STK11: variants seen among roughly 807,000 people sequenced by gnomAD.
STK11 encodes serine/threonine kinase 11.
A neutral mutation model predicts 47.3 loss-of-function variants in STK11; 8 were observed. That is an observed-to-expected ratio of 0.17 (90% CI 0.10 to 0.31). The LOEUF is 0.31. STK11 is among the 10% of genes least tolerant of loss of function. The probability of loss-of-function intolerance (pLI) is 1.00; values close to 1 mark genes in which losing one functional copy is unlikely to be tolerated. For missense variants in STK11, 475 were observed against 605.0 expected (o/e 0.79, Z 2.25); for synonymous variants, 330 against 255.8 (o/e 1.29, Z -2.77).
In STK11 at chr19:1,208,974, G is replaced by A. The variant is rs550372425; in HGVS notation, c.290+1771G>A. Among the ~76,000 whole-genome samples the A allele has an allele frequency of 5.3e-5, 8 of 152,238 alleles. No individual in the cohort carries two copies. The East Asian group carries it at 1.5e-3, about 29-fold the overall frequency. Reference sequence around the variant, plus strand: ...GTGACATGCGGAAACCAGGGGCACAGGCTCTGAAGTTTGTACTCTGGAGCT... The same window carrying A: ...GTGACATGCGGAAACCAGGGGCACAAGCTCTGAAGTTTGTACTCTGGAGCT... On this transcript the variant is annotated intron_variant, in intron 1 of 9. Coordinates refer to ENST00000326873, the MANE Select transcript of STK11 (RefSeq NM_000455.5).
intron 8 of STK11, among the ~76,000 whole-genome samples, 162 bp downstream of exon 8, chr19:1,223,334 C>T (rs942275995): frequency 9.2e-5 from 14 of 152,338 alleles, no homozygotes; most frequent in Middle Eastern, 3.4e-3. Context: ...CTCCGCCCTG[C>T]GGGCCGCTGG....
At chr19:1,226,233 A>G (rs1416251693) in intron 8 of STK11, 1 of 1,389,600 alleles carries the variant, frequency 7.2e-7, no homozygotes, top group Non-Finnish European at 9.3e-7. Context: ...TGGAGGGGAC[A>G]CTCCTGCCCA....
chr19:1,221,986 C>T lies in STK11; in HGVS notation c.900C>T (p.Ile300=), dbSNP rs546089394. ...LEYEPAKRFS[I]RQIRQHSWFR... ...ACGAACCGGCCAAGAGGTTCTCCAT[C>T]CGGCAGATCCGGCAGCACAGGTGAG... Residue 300 remains isoleucine, a synonymous_variant, in exon 7 of 10, where the codon ATC becomes ATT. Transcript: ENST00000326873. 37 of 1,569,660 alleles carry T rather than the reference C, an allele frequency of 2.4e-5. No individual in the cohort carries two copies. The African/African-American group carries it at 5.0e-4, about 21-fold the overall frequency.
Position 1,227,814 on chromosome 19 carries a change from C to G in STK11, c.*238C>G, listed in dbSNP as rs1239853505. The G allele has an allele frequency of 1.9e-6, 2 of 1,072,230 alleles. No individual in the cohort carries two copies. Among genetic ancestry groups the G allele is most frequent in the Non-Finnish European group, 2.3e-6 (2 of 883,556 alleles). The allele number at this position is 1,072,230 out of a possible 1,614,324, so 66.4% of individuals were successfully genotyped here. A position where few individuals can be genotyped will look rare whatever the true frequency, so the allele number is the denominator to read the frequency against. ...ACGCGGCTTGTTGACTTCGCAGCCC[C>G]GGGCGGAGCCTTCCCGGGCGGGCGT... On this transcript the variant is annotated 3_prime_UTR_variant, in exon 10 of 10. Transcript: ENST00000326873.
chr19:1,227,814 C>A lies in STK11; in HGVS notation c.*238C>A. 1 of 1,072,230 alleles carries A rather than the reference C, an allele frequency of 9.3e-7. No individual in the cohort carries two copies. The highest frequency in any genetic ancestry group is 1.1e-6 in the Non-Finnish European group (1 of 883,556). The allele number at this position is 1,072,230 out of a possible 1,614,324, so 66.4% of individuals were successfully genotyped here. A position where few individuals can be genotyped will look rare whatever the true frequency, so the allele number is the denominator to read the frequency against. On this transcript the variant is annotated 3_prime_UTR_variant, in exon 10 of 10. Coordinates refer to ENST00000326873, the MANE Select transcript of STK11 (RefSeq NM_000455.5). ...ACGCGGCTTGTTGACTTCGCAGCCC[C>A]GGGCGGAGCCTTCCCGGGCGGGCGT...
At position 1,227,995 on chromosome 19, in the gene STK11, G is replaced by C; in HGVS notation, c.*419G>C. ...GGCTCCTGACCCCGCCATGCATGCA[G>C]CGCCACCTGGAAGCCGCGCGGCCGC... On this transcript the variant is annotated 3_prime_UTR_variant, in exon 10 of 10. Coordinates refer to ENST00000326873, the MANE Select transcript of STK11 (RefSeq NM_000455.5). 9.4e-7 allele frequency: 1 copy of C among 1,068,256 alleles called. No homozygotes were observed. Among genetic ancestry groups the C allele is most frequent in the Non-Finnish European group, 1.1e-6 (1 of 881,116 alleles). 66.2% of individuals were successfully genotyped at this position (1,068,256 alleles called of 1,614,324 possible).
intron 1 of STK11, among the ~76,000 whole-genome samples, chr19:1,211,591 C>T (rs896800107): frequency 6.6e-6 from 1 of 152,220 alleles, no homozygotes; most frequent in African/African-American, 2.4e-5. Context: ...CTGCCGTGAG[C>T]GCACAGCCTG....
intron 7 of STK11, 48 bp downstream of exon 7, chr19:1,222,054 C>T (rs528945178): frequency 6.5e-7 from 1 of 1,546,290 alleles, no homozygotes; most frequent in East Asian, 2.4e-5. Context: ...GGGAGGCCGG[C>T]CATGTGGGCA....
chr19:1,218,549 G>A (rs1182764166), intron 2 of STK11, 49 bp downstream of exon 2: 6 of 1,544,504 alleles, frequency 3.9e-6, no homozygotes, highest in Non-Finnish European at 5.4e-6. Flanking sequence ...GAGGGGCTGG[G>A]GCCCTGGGTC....
chr19:1,211,415 G>T (rs185729980), intron 1 of STK11, among the ~76,000 whole-genome samples: 1 of 152,162 alleles, frequency 6.6e-6, no homozygotes, highest in Non-Finnish European at 1.5e-5. Flanking sequence ...TGCTTCTCGG[G>T]GGACAGCACG....
chr19:1,220,592 G>C lies in STK11; in HGVS notation c.609G>C (p.Pro203=), dbSNP rs786201228. 37 of 1,587,536 alleles carry C rather than the reference G, an allele frequency of 2.3e-5. No homozygotes were observed. The highest frequency in any genetic ancestry group is 2.8e-5 in the Non-Finnish European group (33 of 1,166,944). The change falls in exon 5 of 10, where the codon CCG becomes CCC. Residue 203 remains proline, a synonymous_variant. Transcript: ENST00000326873. ...CGGCACCGCCACAGGCACTGCACCC[G>C]TTCGCGGCGGACGACACCTGCCGGA... ...SDLGVAEALH[P]FAADDTCRTS... is the part of the protein sequence containing the mutation.
intron 8 of STK11, chr19:1,225,991 G>A (rs965287770): frequency 9.9e-7 from 1 of 1,007,172 alleles, no homozygotes; most frequent in African/African-American, 1.7e-5. Context: ...GCGTGGTTCT[G>A]TGCTGGCATT....
chr19:1,225,834 C>G, intron 8 of STK11: 2 of 986,034 alleles, frequency 2.0e-6, no homozygotes, highest in Non-Finnish European at 2.4e-6. Flanking sequence ...GCTTCCTGCA[C>G]TTTCCCCTGC....
intron 8 of STK11, chr19:1,225,071 CAG>C: frequency 1.0e-6 from 1 of 986,032 alleles, no homozygotes; most frequent in Non-Finnish European, 1.2e-6. Flanking sequence ...TGCCAACACC[CAG>C]ATCCCAGGGA....
intron 1 of STK11, among the ~76,000 whole-genome samples, chr19:1,217,703 C>G (rs886565951): frequency 6.6e-6 from 1 of 152,212 alleles, no homozygotes; most frequent in Non-Finnish European, 1.5e-5. Flanking sequence ...CTGCGGCCCA[C>G]CCTCCAAGGA....
chr19:1,225,346 C>T (rs2080813445), intron 8 of STK11: 4 of 936,350 alleles, frequency 4.3e-6, no homozygotes, highest in Middle Eastern at 1.1e-3. Context: ...GATCTCGGCT[C>T]ACTGCAACCT....
chr19:1,211,468 G>A (rs1215302235), intron 1 of STK11, among the ~76,000 whole-genome samples: 5 of 152,004 alleles, frequency 3.3e-5, no homozygotes, highest in African/African-American at 1.2e-4. Flanking sequence ...TCTGGGGGGG[G>A]GGGTGCAGGC....
chr19:1,225,201 C>G (rs138715139), intron 8 of STK11: 1 of 985,336 alleles, frequency 1.0e-6, no homozygotes, highest in Non-Finnish European at 1.2e-6. Flanking sequence ...CAGGGTCTGC[C>G]CCACCAGAGA....
intron 1 of STK11, among the ~76,000 whole-genome samples, chr19:1,212,990 C>CTTTTTTT (rs35169539): frequency 3.2e-5 from 3 of 94,800 alleles, no homozygotes; most frequent in Non-Finnish European, 4.2e-5. Context: ...TAAAGTTCAC[C>CTTTTTTT]TTTTTTTTTT....
Sources: gnomAD v4.1 joint callset for allele counts (sites outside exome capture counted in the v4.1 genomes callset) on GRCh38, gnomAD v4.1.1 for gene constraint, MANE v1.5 for transcripts, NCBI Gene and HGNC (gene_info 2026-07-23, HGNC 2026-07-21) for gene names.